SOX5: variants seen among roughly 807,000 people sequenced by gnomAD.
SOX5 encodes transcription factor SOX-5.
A neutral mutation model predicts 92.0 loss-of-function variants in SOX5; 9 were observed. The observed-to-expected ratio is 0.10, with a 90% confidence interval of 0.06 to 0.17. SOX5 has a LOEUF of 0.17. Among genes scored for constraint, SOX5 ranks in the 10% least tolerant of loss-of-function variants. The probability of loss-of-function intolerance (pLI) is 1.00; values close to 1 mark genes in which losing one functional copy is unlikely to be tolerated. For missense variants in SOX5, 642 were observed against 944.5 expected, an observed-to-expected ratio of 0.68 and a Z score of 4.20; for synonymous variants, 344 against 336.3, an observed-to-expected ratio of 1.02 and a Z score of -0.25.
chr12:24,240,211 C>G (rs1420138420), intron 3 of SOX5, among the ~76,000 whole-genome samples: 1 of 152,060 alleles, frequency 6.6e-6, no homozygotes, highest in Non-Finnish European at 1.5e-5. Flanking sequence ...AATTAAAACC[C>G]TGATTTTAGT....
intron 2 of SOX5, among the ~76,000 whole-genome samples, chr12:23,861,500 T>C (rs1739056632): frequency 1.3e-5 from 2 of 152,172 alleles, no homozygotes; most frequent in African/African-American, 4.8e-5. Flanking sequence ...TGGACAGATG[T>C]TTCCACTTCT....
At chr12:24,536,790 A>G (rs1951678622) in intron 1 of SOX5, among the ~76,000 whole-genome samples, 1 of 152,240 alleles carries the variant, frequency 6.6e-6, no homozygotes, top group Admixed American at 6.5e-5. Flanking sequence ...TAAAATAAGC[A>G]GCATTCGTAA....
chr12:24,354,124 T>C (rs1244085448), intron 2 of SOX5, among the ~76,000 whole-genome samples: 1 of 152,198 alleles, frequency 6.6e-6, no homozygotes, highest in Non-Finnish European at 1.5e-5. Context: ...AAAAATGCTC[T>C]GGAGGAAAAT....
At chr12:23,610,364 T>A (rs907975439) in intron 8 of SOX5, among the ~76,000 whole-genome samples, 1 of 152,168 alleles carries the variant, frequency 6.6e-6, no homozygotes. Context: ...ATCTGGAGTA[T>A]TTGGATTCAG....
At chr12:23,807,928 G>A (rs1567937592) in intron 3 of SOX5, among the ~76,000 whole-genome samples, 1 of 152,082 alleles carries the variant, frequency 6.6e-6, no homozygotes, top group African/African-American at 2.4e-5. Context: ...GATTACAGGT[G>A]CAAGCCACTG....
intron 10 of SOX5, among the ~76,000 whole-genome samples, chr12:23,568,931 C>G (rs550325876): frequency 3.4e-4 from 51 of 150,718 alleles, no homozygotes; most frequent in Non-Finnish European, 5.6e-4. Flanking sequence ...GCACATGCCT[C>G]TAATCCCAGC....
intron 1 of SOX5, among the ~76,000 whole-genome samples, chr12:24,441,315 A>G (rs1242072906): frequency 6.6e-6 from 1 of 152,192 alleles, no homozygotes; most frequent in Non-Finnish European, 1.5e-5. Flanking sequence ...GTATTTATGC[A>G]ATCTTTCTCC....
At chr12:23,977,858 C>A (rs904283715) in intron 4 of SOX5, among the ~76,000 whole-genome samples, 1 of 152,126 alleles carries the variant, frequency 6.6e-6, no homozygotes, top group Non-Finnish European at 1.5e-5. Context: ...GAACTGTAGT[C>A]CAGATACTAA....
intron 2 of SOX5, among the ~76,000 whole-genome samples, chr12:23,847,429 G>T (rs1303136482): frequency 6.6e-6 from 1 of 152,092 alleles, no homozygotes; most frequent in African/African-American, 2.4e-5. Flanking sequence ...AAATCACACT[G>T]ATTGATACTC....
At chr12:24,248,797 T>C (rs1372301014) in intron 3 of SOX5, among the ~76,000 whole-genome samples, 1 of 152,230 alleles carries the variant, frequency 6.6e-6, no homozygotes, top group Non-Finnish European at 1.5e-5. Flanking sequence ...TAAGCCTTTC[T>C]TTCTAACTTT....
At chr12:23,945,505 A>T (rs992429637) in intron 1 of SOX5, among the ~76,000 whole-genome samples, 16 of 152,296 alleles carry the variant, frequency 1.1e-4, no homozygotes, top group African/African-American at 3.1e-4. Context: ...GTATTCCAGC[A>T]TGAGAGTGAT....
At chr12:23,873,629 T>C in intron 2 of SOX5, among the ~76,000 whole-genome samples, 1 of 152,238 alleles carries the variant, frequency 6.6e-6, no homozygotes, top group East Asian at 1.9e-4. Context: ...TAATTTCTTT[T>C]TCATATACAC....
At chr12:23,593,664 GTA>G (rs1182705350) in intron 9 of SOX5, among the ~76,000 whole-genome samples, 3 of 152,026 alleles carry the variant, frequency 2.0e-5, no homozygotes, top group Non-Finnish European at 2.9e-5. Flanking sequence ...CTTTAAGAAA[GTA>G]CATGTTTAAA....
intron 4 of SOX5, among the ~76,000 whole-genome samples, chr12:24,121,567 CTTTTT>C (rs11286069): frequency 2.3e-4 from 24 of 106,018 alleles, no homozygotes; most frequent in East Asian, 1.5e-3. Context: ...AAATGGCTAA[CTTTTT>C]TTTTTTTTTT....
At chr12:24,228,313 G>T (rs995661760) in intron 3 of SOX5, among the ~76,000 whole-genome samples, 12 of 152,076 alleles carry the variant, frequency 7.9e-5, no homozygotes, top group Non-Finnish European at 8.8e-5. Context: ...CAAGAACAGA[G>T]CAGGTTAAAA....
At chr12:23,558,056 AAAAC>A (rs1480368673) in intron 11 of SOX5, among the ~76,000 whole-genome samples, 2 of 152,076 alleles carry the variant, frequency 1.3e-5, no homozygotes, top group Non-Finnish European at 2.9e-5. Context: ...TAAGACAAAC[AAAAC>A]AAACCAGTTT....
intron 3 of SOX5, among the ~76,000 whole-genome samples, chr12:24,252,734 G>C (rs922669165): frequency 1.5e-4 from 22 of 151,020 alleles, no homozygotes; most frequent in Non-Finnish European, 2.9e-4. Context: ...CGAGGCCCCA[G>C]CTCCTGCAGA....
intron 7 of SOX5, among the ~76,000 whole-genome samples, chr12:23,662,166 TATATAG>T (rs2083154805): frequency 6.6e-6 from 1 of 151,628 alleles, no homozygotes; most frequent in African/African-American, 2.4e-5. Context: ...TACATATATA[TATATAG>T]AGAGAGAGAG....
At chr12:23,723,500 A>G (rs1373255938) in intron 6 of SOX5, among the ~76,000 whole-genome samples, 5 of 151,768 alleles carry the variant, frequency 3.3e-5, no homozygotes, top group African/African-American at 1.2e-4. Flanking sequence ...ATGGAAAGGA[A>G]TACAGAAGTA....
Sources: allele counts gnomAD v4.1 joint callset (sites outside exome capture counted in the v4.1 genomes callset), GRCh38; gene constraint gnomAD v4.1.1; transcripts MANE v1.5; gene names NCBI Gene and HGNC (gene_info 2026-07-23, HGNC 2026-07-21).